The following MCTP1 variants were observed in gnomAD, a reference collection of about 807,000 sequenced individuals.
MCTP1 encodes the protein multiple C2 and transmembrane domain containing 1.
Under a neutral mutation model 120.6 loss-of-function variants are expected in MCTP1, and 69 were observed. The ratio of observed to expected loss-of-function variants is 0.57; its 90% CI spans 0.47 to 0.70. MCTP1 has a LOEUF of 0.70. Ranked by LOEUF, MCTP1 falls within the 30% of genes least tolerant of loss-of-function variation. The pLI is 0.00. For missense variants in MCTP1, 1,203 were observed against 1,248.8 expected, an observed-to-expected ratio of 0.96 and a Z score of 0.55; for synonymous variants, 529 against 493.1, an observed-to-expected ratio of 1.07 and a Z score of -0.96.
At chr5:95,137,222 G>C (rs1484995394) in intron 1 of MCTP1, among the ~76,000 whole-genome samples, 1 of 152,154 alleles carries the variant, frequency 6.6e-6, no homozygotes, top group East Asian at 1.9e-4. Flanking sequence ...CTTGCTTCGG[G>C]GGAAGTATAA....
At chr5:95,197,788 C>T (rs944012007) in intron 1 of MCTP1, among the ~76,000 whole-genome samples, 3 of 152,066 alleles carry the variant, frequency 2.0e-5, no homozygotes, top group Non-Finnish European at 4.4e-5. Context: ...TTGGTATCCA[C>T]GTGGGATTGG....
chr5:94,952,941 C>T (rs966608039), intron 3 of MCTP1, among the ~76,000 whole-genome samples: 5 of 152,270 alleles, frequency 3.3e-5, no homozygotes, highest in Non-Finnish European at 2.9e-5. Flanking sequence ...TTCATATGCT[C>T]CCAAACTGCA....
Position 94,869,961 on chromosome 5 carries a change from C to T in MCTP1, c.2316+456G>A, listed in dbSNP as rs568469309. ...TTTCCCTTAGAAGATGGAGCCTCCT[C>T]GCATCTGGATTAGAGGGAAGAGCTT... On this transcript the variant is annotated intron_variant, in intron 16 of 22. Transcript: ENST00000515393. Among the ~76,000 whole-genome samples the T allele has an allele frequency of 2.6e-5, 4 of 152,152 alleles. No homozygotes were observed. The South Asian group carries it at 8.3e-4, about 32-fold the overall frequency.
intron 19 of MCTP1, among the ~76,000 whole-genome samples, chr5:94,715,363 CAAAAAAAAAAA>C (rs35567390): frequency 4.3e-5 from 3 of 70,526 alleles, no homozygotes; most frequent in African/African-American, 1.6e-4. Flanking sequence ...ATGAAAACTA[CAAAAAAAAAAA>C]AAAAAAAAAA....
chr5:94,861,133 G>A (rs962366888), intron 17 of MCTP1, among the ~76,000 whole-genome samples: 4 of 151,780 alleles, frequency 2.6e-5, no homozygotes, highest in African/African-American at 9.7e-5. Context: ...CACTTGCTGA[G>A]TGTTGGACCT....
Position 95,284,662 on chromosome 5 carries a change from C to T in MCTP1, c.-87G>A. On this transcript the variant is annotated 5_prime_UTR_variant, in exon 1 of 23. Transcript: ENST00000515393. This position sits in a 1 kb window ranked among gnomAD's most constrained non-coding sequence, Gnocchi z 5.2. ...TCTTCGGCTGCACCTCCTCCCGGGT[C>T]CCCGCGGCGCTGGCGGTGGCGGCGG... 1 of 1,159,962 alleles carries T rather than the reference C, an allele frequency of 8.6e-7. No individual in the cohort carries two copies. The highest frequency in any genetic ancestry group is 1.1e-6 in the Non-Finnish European group (1 of 882,152). The allele number at this position is 1,159,962 out of a possible 1,614,324, so 71.9% of individuals were successfully genotyped here.
At chr5:95,178,237 T>G (rs1298913234) in intron 1 of MCTP1, among the ~76,000 whole-genome samples, 1 of 152,194 alleles carries the variant, frequency 6.6e-6, no homozygotes, top group East Asian at 1.9e-4. Flanking sequence ...CCTATCCTTG[T>G]CCCCACCTAG....
chr5:94,817,886 C>A (rs978679215), intron 17 of MCTP1, among the ~76,000 whole-genome samples: 1 of 152,124 alleles, frequency 6.6e-6, no homozygotes, highest in African/African-American at 2.4e-5. Flanking sequence ...GGGAAACCCT[C>A]CCCCACTTTT....
At chr5:94,884,874 G>C (rs1188758378) in intron 12 of MCTP1, among the ~76,000 whole-genome samples, 1 of 152,110 alleles carries the variant, frequency 6.6e-6, no homozygotes, top group African/African-American at 2.4e-5. Flanking sequence ...AATGAAGACA[G>C]TTTTCCAAAA....
intron 19 of MCTP1, among the ~76,000 whole-genome samples, chr5:94,733,939 A>G (rs1467227291): frequency 6.6e-6 from 1 of 150,736 alleles, no homozygotes; most frequent in Non-Finnish European, 1.5e-5. Flanking sequence ...ACTCCAGCCT[A>G]GGCAACATAG....
At chr5:95,032,693 A>G (rs1047076598) in intron 1 of MCTP1, among the ~76,000 whole-genome samples, 1 of 152,088 alleles carries the variant, frequency 6.6e-6, no homozygotes, top group Non-Finnish European at 1.5e-5. Flanking sequence ...AAACAAGAAC[A>G]AACCAAACCT....
At chr5:95,069,001 C>CTTCTCTGT (rs1751424839) in intron 1 of MCTP1, among the ~76,000 whole-genome samples, 1 of 143,806 alleles carries the variant, frequency 7.0e-6, no homozygotes, top group African/African-American at 2.6e-5. Flanking sequence ...TGTGAAACAA[C>CTTCTCTGT]AGAACAGCCT....
chr5:95,065,523 GA>G (rs1750432737), intron 1 of MCTP1, among the ~76,000 whole-genome samples: 1 of 152,094 alleles, frequency 6.6e-6, no homozygotes, highest in East Asian at 1.9e-4. Context: ...ATGATTATCT[GA>G]AAAGATATAG....
chr5:95,146,624 C>T (rs1378862734), intron 1 of MCTP1, among the ~76,000 whole-genome samples: 2 of 151,742 alleles, frequency 1.3e-5, no homozygotes, highest in Non-Finnish European at 2.9e-5. Flanking sequence ...AAATTTTTGC[C>T]TTAATTTTGT....
chr5:94,708,655 G>T, intron 21 of MCTP1, 46 bp from the exon 22 acceptor site: 1 of 1,250,042 alleles, frequency 8.0e-7, no homozygotes, highest in Non-Finnish European at 1.2e-6. Flanking sequence ...TGACAAAAGT[G>T]TTGTAGTAAT....
At position 94,877,002 on chromosome 5, in the gene MCTP1, G is replaced by T. The variant is rs142690058; in HGVS notation, c.1934-3761C>A. On this transcript the variant is annotated intron_variant, in intron 12 of 22. Coordinates refer to ENST00000515393, the MANE Select transcript of MCTP1 (RefSeq NM_024717.7). ...AGACATGTAAATACACAATTATGAGGCAGAGTTGTAAGGGCTGTAATAAAG... is the reference window on the plus strand; with the variant it reads ...AGACATGTAAATACACAATTATGAGTCAGAGTTGTAAGGGCTGTAATAAAG... 5.2e-3 allele frequency among the ~76,000 whole-genome samples: 787 copies of T among 152,060 alleles called. 6 individuals carry two copies. Among genetic ancestry groups the T allele is most frequent in the Middle Eastern group, 0.037 (11 of 294 alleles).
intron 1 of MCTP1, among the ~76,000 whole-genome samples, chr5:95,028,264 T>C (rs181133679): frequency 1.5e-3 from 233 of 152,202 alleles, no homozygotes; most frequent in African/African-American, 5.4e-3. Context: ...CTAGAATGCA[T>C]GGTTATAATG....
chr5:95,134,483 G>C (rs1392626196), intron 1 of MCTP1, among the ~76,000 whole-genome samples: 1 of 152,218 alleles, frequency 6.6e-6, no homozygotes, highest in African/African-American at 2.4e-5. Context: ...GATTCAGCCA[G>C]TCAGTTCTGC....
chr5:94,711,496 A>G (rs1242153760), intron 20 of MCTP1, among the ~76,000 whole-genome samples: 1 of 152,152 alleles, frequency 6.6e-6, no homozygotes, highest in Non-Finnish European at 1.5e-5. Flanking sequence ...GGAACAAAAC[A>G]GCCTTGCAAA....
Sources: gnomAD v4.1 joint callset for allele counts (sites outside exome capture counted in the v4.1 genomes callset) on GRCh38, gnomAD v4.1.1 for gene constraint, Gnocchi (gnomAD v3.1) non-coding constraint, MANE v1.5 for transcripts, NCBI Gene and HGNC (gene_info 2026-07-23, HGNC 2026-07-21) for gene names.